The following KLF7 variants were observed in gnomAD, a reference collection of about 807,000 sequenced individuals.
The protein encoded by KLF7 is KLF transcription factor 7, also known as Krueppel-like factor 7.
Under a neutral mutation model 27.3 loss-of-function variants are expected in KLF7, and 2 were observed. The observed-to-expected ratio is 0.07, with a 90% CI of 0.03 to 0.23. The LOEUF (loss-of-function observed/expected upper bound fraction) is 0.23, where lower values mean the gene tolerates loss of function less well. Ranked by LOEUF, KLF7 falls within the 10% of genes least tolerant of loss-of-function variation. The probability of loss-of-function intolerance (pLI) is 1.00; values close to 1 mark genes in which losing one functional copy is unlikely to be tolerated. For missense variants in KLF7, 221 were observed against 394.1 expected, an observed-to-expected ratio of 0.56 and a Z score of 3.72; for synonymous variants, 165 against 162.4, an observed-to-expected ratio of 1.02 and a Z score of -0.12.
intron 1 of KLF7, among the ~76,000 whole-genome samples, chr2:207,130,639 T>C (rs536275089): frequency 1.9e-4 from 29 of 152,308 alleles, no homozygotes; most frequent in South Asian, 1.9e-3. Context: ...CCATGTTTAG[T>C]TGGGGCAGAC....
intron 1 of KLF7, among the ~76,000 whole-genome samples, chr2:207,140,914 G>A: frequency 6.6e-6 from 1 of 152,100 alleles, no homozygotes; most frequent in East Asian, 1.9e-4. Context: ...CTTTTTGTAA[G>A]TATGTAAAAT....
chr2:207,150,722 G>C, intron 1 of KLF7, among the ~76,000 whole-genome samples: 1 of 152,128 alleles, frequency 6.6e-6, no homozygotes, highest in Non-Finnish European at 1.5e-5. Flanking sequence ...CCACGACACC[G>C]GTATTTTTCA....
intron 2 of KLF7, among the ~76,000 whole-genome samples, chr2:207,111,889 C>T (rs992334647): frequency 2.6e-5 from 4 of 152,142 alleles, no homozygotes; most frequent in Non-Finnish European, 4.4e-5. Flanking sequence ...ACAGTGAGGC[C>T]GTATAACCAC....
At chr2:207,088,390 T>A in intron 3 of KLF7, 68 bp downstream of exon 3, 2 of 1,551,388 alleles carry the variant, frequency 1.3e-6, no homozygotes, top group East Asian at 4.5e-5. Context: ...AGCACACGGG[T>A]GCTGCTCACC....
At chr2:207,103,340 G>A (rs73062795) in intron 2 of KLF7, among the ~76,000 whole-genome samples, 2,280 of 152,286 alleles carry the variant, frequency 0.015, 53 homozygotes, top group African/African-American at 0.051. Context: ...TGAATTGCAG[G>A]GACCTGAGCA....
Position 207,078,658 on chromosome 2 carries a change from T to G in KLF7, c.*2555A>C, listed in dbSNP as rs768828576. On this transcript the variant is annotated 3_prime_UTR_variant, in exon 4 of 4. Coordinates refer to ENST00000309446, the MANE Select transcript of KLF7 (RefSeq NM_003709.4). Reference sequence around the variant, plus strand: ...TGCATTCATGCTGGAGGCTGCTACATAAAGGAAAAGAAAGGAACCAACAGA... The same window carrying G: ...TGCATTCATGCTGGAGGCTGCTACAGAAAGGAAAAGAAAGGAACCAACAGA... 6.6e-6 allele frequency: 1 copy of G among 152,196 alleles called. No homozygotes were observed. Among genetic ancestry groups the G allele is most frequent in the Non-Finnish European group, 1.5e-5 (1 of 68,042 alleles). The allele number at this position is 152,196 out of a possible 1,614,324, so 9.4% of individuals were successfully genotyped here. A position where few individuals can be genotyped will look rare whatever the true frequency, so the allele number is the denominator to read the frequency against.
intron 2 of KLF7, among the ~76,000 whole-genome samples, chr2:207,122,929 C>T (rs904354416): frequency 1.3e-5 from 2 of 152,024 alleles, no homozygotes; most frequent in African/African-American, 2.4e-5. Flanking sequence ...GGAAGAGACA[C>T]CACCCCTAAG....
intron 2 of KLF7, among the ~76,000 whole-genome samples, chr2:207,118,079 G>A (rs1434074883): frequency 6.6e-6 from 1 of 152,172 alleles, no homozygotes; most frequent in East Asian, 1.9e-4. Context: ...CAGGAGACAT[G>A]GGTCCAATTT....
Position 207,080,740 on chromosome 2 carries a change from A to G in KLF7, c.*473T>C. On this transcript the variant is annotated 3_prime_UTR_variant, in exon 4 of 4. Coordinates refer to ENST00000309446, the MANE Select transcript of KLF7 (RefSeq NM_003709.4). The stretch of plus-strand genomic sequence containing the variant: ...TTCCCCCAACTATTTAAAAAGAAAC[A>G]TTAGTGCTACACATATGCAACTTTA... 1 of 398,682 alleles carries G rather than the reference A, an allele frequency of 2.5e-6. No individual in the cohort carries two copies. The highest frequency in any genetic ancestry group is 4.4e-6 in the Non-Finnish European group (1 of 226,086). 24.7% of individuals were successfully genotyped at this position (398,682 alleles called of 1,614,324 possible).
intron 2 of KLF7, among the ~76,000 whole-genome samples, chr2:207,103,274 C>T (rs555990274): frequency 1.1e-3 from 172 of 152,238 alleles, no homozygotes; most frequent in African/African-American, 2.9e-3. Context: ...TTTTCACTTT[C>T]GAAATATCTG....
chr2:207,102,160 C>A (rs1574454038), intron 2 of KLF7, among the ~76,000 whole-genome samples: 1 of 98,682 alleles, frequency 1.0e-5, no homozygotes, highest in African/African-American at 4.0e-5. Flanking sequence ...ACACACACAC[C>A]CTGCCCTCCC....
chr2:207,133,169 G>GC (rs2077684832), intron 1 of KLF7, among the ~76,000 whole-genome samples: 2 of 152,098 alleles, frequency 1.3e-5, no homozygotes, highest in African/African-American at 4.8e-5. Context: ...TCCCAACCAG[G>GC]CCCCTATTCA....
intron 2 of KLF7, among the ~76,000 whole-genome samples, chr2:207,104,018 C>T (rs913947897): frequency 6.6e-6 from 1 of 152,172 alleles, no homozygotes; most frequent in Non-Finnish European, 1.5e-5. Context: ...ATGTTAGGAG[C>T]AGACCACCTC....
intron 1 of KLF7, among the ~76,000 whole-genome samples, chr2:207,142,864 A>AT (rs1254530322): frequency 3.3e-5 from 5 of 152,196 alleles, no homozygotes; most frequent in Non-Finnish European, 7.3e-5. Context: ...TTGGCTGACA[A>AT]TTACATTGGT....
rs558310387 is a variant in KLF7, at chr2:207,132,647, C to T, written c.103-8243G>A. ...AAGCAGCCTCAAATACCCCTTTCAT[C>T]TTCCAAGGATTCCTTAGTTGCAGTG... On this transcript the variant is annotated intron_variant, in intron 1 of 3. Coordinates refer to ENST00000309446, the MANE Select transcript of KLF7 (RefSeq NM_003709.4). Among the ~76,000 whole-genome samples, 57 of 152,348 alleles carry T rather than the reference C, an allele frequency of 3.7e-4. 1 individual carries two copies. Among genetic ancestry groups the T allele is most frequent in the African/African-American group, 1.2e-3 (50 of 41,578 alleles).
intron 1 of KLF7, chr2:207,133,989 C>G: frequency 1.8e-6 from 2 of 1,090,140 alleles, no homozygotes; most frequent in Non-Finnish European, 2.6e-6. Context: ...CGCTCTTATG[C>G]ACCCCCACCC....
chr2:207,092,932 C>G (rs1348944481), intron 2 of KLF7, among the ~76,000 whole-genome samples: 1 of 152,190 alleles, frequency 6.6e-6, no homozygotes. Flanking sequence ...TGTTGCACAA[C>G]CCTACTTCTG....
Position 207,096,431 on chromosome 2 carries a change from C to T in KLF7, c.734-7850G>A, listed in dbSNP as rs116536105. Among the ~76,000 whole-genome samples the T allele has an allele frequency of 4.9e-3, 745 of 152,274 alleles. 11 individuals carry two copies. Among genetic ancestry groups the T allele is most frequent in the African/African-American group, 0.017 (718 of 41,554 alleles). ...TTCCGAGTTCCCATCTCAGACCTTG[C>T]GTATCAGAATCTGTTTTTAGCATCT... On this transcript the variant is annotated intron_variant, in intron 2 of 3. Coordinates refer to ENST00000309446, the MANE Select transcript of KLF7 (RefSeq NM_003709.4).
intron 2 of KLF7, among the ~76,000 whole-genome samples, chr2:207,108,186 C>A (rs1482417748): frequency 6.6e-6 from 1 of 152,004 alleles, no homozygotes; most frequent in Non-Finnish European, 1.5e-5. Flanking sequence ...CCAGGAAAAC[C>A]ACAAAAACAA....
Sources: gnomAD v4.1 joint callset for allele counts (sites outside exome capture counted in the v4.1 genomes callset) on GRCh38, gnomAD v4.1.1 for gene constraint, MANE v1.5 for transcripts, NCBI Gene and HGNC (gene_info 2026-07-23, HGNC 2026-07-21) for gene names.